SESTD1: variants seen among roughly 807,000 people sequenced by gnomAD.
SESTD1 encodes the protein SEC14 and spectrin domain containing 1, also known as SEC14 domain and spectrin repeat-containing protein 1.
SESTD1 carries 43 observed loss-of-function variants against 101.7 expected under a neutral mutation model. The observed-to-expected ratio is 0.42, with a 90% CI of 0.33 to 0.55. The LOEUF (loss-of-function observed/expected upper bound fraction) is 0.55, where lower values mean the gene tolerates loss of function less well. Ranked by LOEUF, SESTD1 falls within the 20% of genes least tolerant of loss-of-function variation. The pLI, the probability that SESTD1 is intolerant of heterozygous loss-of-function variation, is 0.07. For synonymous variants in SESTD1, 283 were observed against 286.8 expected, an observed-to-expected ratio of 0.99 and a Z score of 0.13; for missense variants, 647 against 815.1, an observed-to-expected ratio of 0.79 and a Z score of 2.51.
At chr2:179,167,148 A>G (rs77093276) in intron 5 of SESTD1, among the ~76,000 whole-genome samples, 4,346 of 152,354 alleles carry the variant, frequency 0.029, 86 homozygotes, top group Non-Finnish European at 0.047. Context: ...AGAGAATGAA[A>G]AATAACATGC....
In SESTD1 at chr2:179,123,674, A is replaced by G. The variant is rs201455581; in HGVS notation, c.1282+41T>C. 111 of 1,450,578 alleles carry G rather than the reference A, an allele frequency of 7.7e-5. 3 individuals are homozygous for G. Among genetic ancestry groups the G allele is most frequent in the Non-Finnish European group, 9.9e-5 (104 of 1,054,994 alleles). The allele number at this position is 1,450,578 out of a possible 1,614,324, so 89.9% of individuals were successfully genotyped here. A position where few individuals can be genotyped will look rare whatever the true frequency, so the allele number is the denominator to read the frequency against. The stretch of plus-strand genomic sequence containing the variant: ...TAACCATGGTAATGATATTTAAAAA[A>G]AAAAAAACCTTATGTTTCAGCATTT... On this transcript the variant is annotated intron_variant, in intron 12 of 17. Transcript: ENST00000428443.
chr2:179,117,184 G>A (rs1268356330), intron 14 of SESTD1, among the ~76,000 whole-genome samples: 1 of 152,142 alleles, frequency 6.6e-6, no homozygotes, highest in Non-Finnish European at 1.5e-5. Context: ...TTGTTTATCT[G>A]GTATTGAAAT....
rs2044538939 is a variant in SESTD1, at chr2:179,112,819, A to C, written c.1866T>G (p.Pro622=). The change falls in exon 17 of 18, where the codon CCT becomes CCG. Residue 622 remains proline, a synonymous_variant. Coordinates refer to ENST00000428443, the MANE Select transcript of SESTD1 (RefSeq NM_178123.5). ...EKILQDCPEE[P]EAINDEEQFD... ...ATTGCTCCTCATCATTAATAGCTTC[A>C]GGCTCTTCTGGACAGTCCTGCAAAA... The C allele has an allele frequency of 6.2e-7, 1 of 1,612,476 alleles. No homozygotes were observed. The highest frequency in any genetic ancestry group is 1.1e-5 in the South Asian group (1 of 91,032).
intron 1 of SESTD1, among the ~76,000 whole-genome samples, chr2:179,259,177 T>C (rs12622075): frequency 0.29 from 43,994 of 152,058 alleles, 6,717 homozygotes; most frequent in South Asian, 0.44. Context: ...GATAGGATTA[T>C]TGGAAAGATT....
chr2:179,213,688 CA>C (rs2105519562), intron 1 of SESTD1, among the ~76,000 whole-genome samples: 1 of 134,810 alleles, frequency 7.4e-6, no homozygotes, highest in Admixed American at 7.2e-5. Flanking sequence ...CCCAAAGACA[CA>C]TAACTGTCAG....
rs1282940566 is a variant in SESTD1 at position 179,207,587 on chromosome 2, CAGCCTGG to C, written c.-25-15728_-25-15722del. Among the ~76,000 whole-genome samples the C allele has an allele frequency of 2.2e-5, 3 of 134,786 alleles. 1 individual carries two copies. Among genetic ancestry groups the C allele is most frequent in the African/African-American group, 8.8e-5 (3 of 34,026 alleles). 88.4% of individuals were successfully genotyped at this position (134,786 alleles called of 152,430 possible). A position where few individuals can be genotyped will look rare whatever the true frequency, so the allele number is the denominator to read the frequency against. On this transcript the variant is annotated intron_variant, in intron 1 of 17. Coordinates refer to ENST00000428443, the MANE Select transcript of SESTD1 (RefSeq NM_178123.5). ...ACTCTTTGCAGACATTCCCCAGCAC[CAGCCTGG>C]AGCCTGGTAACCCCAATGGGTGGCT...
chr2:179,124,194 A>ATACT (rs1386591794), intron 11 of SESTD1, among the ~76,000 whole-genome samples, 170 bp downstream of exon 11: 1 of 152,224 alleles, frequency 6.6e-6, no homozygotes, highest in East Asian at 1.9e-4. Context: ...GACTTAAAAA[A>ATACT]TACTTGTTTT....
rs571444231 is a variant in SESTD1 at position 179,157,078 on chromosome 2, T to A, written c.370-5687A>T. ...TCCCAGCACCATTTGTTGAAAAGGGTGTCCTTTCCCCACTTTATGTTTTTG... is the reference window on the plus strand; with the variant it reads ...TCCCAGCACCATTTGTTGAAAAGGGAGTCCTTTCCCCACTTTATGTTTTTG... On this transcript the variant is annotated intron_variant, in intron 5 of 17. Transcript: ENST00000428443. 2.6e-5 allele frequency among the ~76,000 whole-genome samples: 4 copies of A among 152,180 alleles called. No individual in the cohort carries two copies. In the East Asian group the frequency reaches 5.8e-4, roughly 22 times the overall value.
At chr2:179,247,501 T>G (rs2047251401) in intron 1 of SESTD1, among the ~76,000 whole-genome samples, 1 of 152,204 alleles carries the variant, frequency 6.6e-6, no homozygotes, top group Non-Finnish European at 1.5e-5. Flanking sequence ...CTTAGTTAAC[T>G]GCAGCCTAGA....
chr2:179,138,797 G>A lies in SESTD1; in HGVS notation c.849+4795C>T, dbSNP rs1373304688. Among the ~76,000 whole-genome samples, 5 of 149,480 alleles carry A rather than the reference G, an allele frequency of 3.3e-5. No individual in the cohort carries two copies. In the Admixed American group the frequency reaches 3.4e-4, roughly 10 times the overall value. On this transcript the variant is annotated intron_variant, in intron 9 of 17. Coordinates refer to ENST00000428443, the MANE Select transcript of SESTD1 (RefSeq NM_178123.5). Reference sequence around the variant, plus strand: ...GAGGTGGGAGGGTCACCTGAGCCTGGGAGGTCAAGGCTGCAATGAGCCATG... The same window carrying A: ...GAGGTGGGAGGGTCACCTGAGCCTGAGAGGTCAAGGCTGCAATGAGCCATG...
chr2:179,233,640 G>C (rs555481168), intron 1 of SESTD1, among the ~76,000 whole-genome samples: 27 of 152,120 alleles, frequency 1.8e-4, no homozygotes, highest in Non-Finnish European at 3.4e-4. Context: ...TTTTAGTAGA[G>C]ACAGGGTTTC....
intron 1 of SESTD1, among the ~76,000 whole-genome samples, chr2:179,255,199 T>C (rs529690881): frequency 5.3e-4 from 81 of 152,250 alleles, no homozygotes; most frequent in African/African-American, 1.9e-3. Context: ...GGCCTCTAAA[T>C]ATTAAAGTGA....
intron 1 of SESTD1, among the ~76,000 whole-genome samples, chr2:179,253,182 G>T (rs2047343025): frequency 6.6e-6 from 1 of 151,992 alleles, no homozygotes; most frequent in Admixed American, 6.6e-5. Flanking sequence ...TAGTGTTTGT[G>T]TCTTAAAATA....
At chr2:179,153,257 C>T (rs2045563745) in intron 5 of SESTD1, among the ~76,000 whole-genome samples, 1 of 152,138 alleles carries the variant, frequency 6.6e-6, no homozygotes, top group East Asian at 1.9e-4. Flanking sequence ...AGTAATCATG[C>T]TGTTAGTGAT....
intron 1 of SESTD1, among the ~76,000 whole-genome samples, chr2:179,244,496 C>A (rs1395148769): frequency 1.3e-5 from 2 of 150,746 alleles, no homozygotes; most frequent in Admixed American, 1.3e-4. Context: ...AACATGGAGG[C>A]CAGAAGGGAG....
chr2:179,121,334 A>C (rs1191720465), intron 13 of SESTD1, among the ~76,000 whole-genome samples: 3 of 152,334 alleles, frequency 2.0e-5, no homozygotes, highest in Admixed American at 1.3e-4. Flanking sequence ...CCACTGTTTA[A>C]TCCTCCTACA....
rs1366522865 is a variant in SESTD1 at position 179,213,981 on chromosome 2, C to T, written c.-25-22115G>A. On this transcript the variant is annotated intron_variant, in intron 1 of 17. Coordinates refer to ENST00000428443, the MANE Select transcript of SESTD1 (RefSeq NM_178123.5). ...GCCCCAAAAGAGCTCCTGAAGGAAG[C>T]ACTCAACATGGGAAGGAACAACCGG... Among the ~76,000 whole-genome samples, 2 of 134,750 alleles carry T rather than the reference C, an allele frequency of 1.5e-5. 1 individual carries two copies. Among genetic ancestry groups the T allele is most frequent in the African/African-American group, 5.9e-5 (2 of 33,990 alleles). 88.4% of individuals were successfully genotyped at this position (134,750 alleles called of 152,430 possible).
At position 179,115,281 on chromosome 2, in the gene SESTD1, A is replaced by G. The variant is rs749896233; in HGVS notation, c.1648-25T>C. 9 of 1,533,328 alleles carry G rather than the reference A, an allele frequency of 5.9e-6. No homozygotes were observed. The African/African-American group carries it at 1.3e-4, about 22-fold the overall frequency. 95.0% of individuals were successfully genotyped at this position (1,533,328 alleles called of 1,614,324 possible). On this transcript the variant is annotated intron_variant, in intron 15 of 17. Coordinates refer to ENST00000428443, the MANE Select transcript of SESTD1 (RefSeq NM_178123.5). ...TCTAAAAAAGAAAAGGAAACATAAA[A>G]TTGTAATAAAAGAATTCTTAAGAGA...
intron 5 of SESTD1, among the ~76,000 whole-genome samples, chr2:179,170,056 G>A (rs544069065): frequency 6.6e-6 from 1 of 150,458 alleles, no homozygotes; most frequent in South Asian, 2.1e-4. Flanking sequence ...ATAGATCACA[G>A]ATCTAAATTT....
Sources: allele counts gnomAD v4.1 joint callset (sites outside exome capture counted in the v4.1 genomes callset), GRCh38; gene constraint gnomAD v4.1.1; transcripts MANE v1.5; gene names NCBI Gene and HGNC (gene_info 2026-07-23, HGNC 2026-07-21).